The following TDRP variants were observed in gnomAD, a reference collection of about 807,000 sequenced individuals.
TDRP encodes the protein testis development related protein, also known as testis development-related protein.
In TDRP, 12 loss-of-function variants were observed where a neutral mutation model predicts 10.5. That is an observed-to-expected ratio of 1.15 (90% confidence interval 0.73 to 1.86). The LOEUF (loss-of-function observed/expected upper bound fraction) is 1.86. TDRP is among the 40% of genes most tolerant of loss of function. TDRP has a pLI of 0.00. For missense variants in TDRP, 353 were observed against 229.2 expected, an observed-to-expected ratio of 1.54 and a Z score of -3.49; for synonymous variants, 139 against 95.4, an observed-to-expected ratio of 1.46 and a Z score of -2.67.
intron 1 of TDRP, among the ~76,000 whole-genome samples, chr8:504,015 C>A (rs1801383979): frequency 6.6e-6 from 1 of 151,590 alleles, no homozygotes; most frequent in African/African-American, 2.4e-5. Context: ...ATGCCCACCT[C>A]AGCACACACC....
intron 1 of TDRP, among the ~76,000 whole-genome samples, chr8:513,847 A>C (rs936900018): frequency 2.0e-5 from 3 of 152,234 alleles, no homozygotes; most frequent in Admixed American, 1.3e-4. Flanking sequence ...GTTCTTACAC[A>C]CCAGCAAGGA....
In TDRP at chr8:543,295, G is replaced by C. The variant is rs978866145; in HGVS notation, c.108+1355C>G. On this transcript the variant is annotated intron_variant, in intron 1 of 2. Coordinates refer to ENST00000324079, the MANE Select transcript of TDRP (RefSeq NM_001384899.1). ...GCCACTGCACTCCAGCCTAGTAAACGGGGCAAGACCCTGTCTCAAAATAAA... is the reference window on the plus strand; with the variant it reads ...GCCACTGCACTCCAGCCTAGTAAACCGGGCAAGACCCTGTCTCAAAATAAA... Among the ~76,000 whole-genome samples, 10 of 152,182 alleles carry C rather than the reference G, an allele frequency of 6.6e-5. No homozygotes were observed. The East Asian group carries it at 1.5e-3, about 24-fold the overall frequency.
At chr8:512,615 T>C (rs1308629675) in intron 1 of TDRP, among the ~76,000 whole-genome samples, 2 of 148,534 alleles carry the variant, frequency 1.3e-5, no homozygotes, top group African/African-American at 2.5e-5. Context: ...AATGGACAGA[T>C]TCCCACAAAG....
At chr8:508,698 C>G (rs1801532473) in intron 1 of TDRP, among the ~76,000 whole-genome samples, 1 of 152,146 alleles carries the variant, frequency 6.6e-6, no homozygotes, top group Non-Finnish European at 1.5e-5. Flanking sequence ...CCGTATCATT[C>G]CACCCCTGGC....
At position 492,079 on chromosome 8, in the gene TDRP, A is replaced by AG; in HGVS notation, c.*319_*320insC. 2 of 1,161,578 alleles carry AG rather than the reference A, an allele frequency of 1.7e-6. No individual in the cohort carries two copies. Among genetic ancestry groups the AG allele is most frequent in the Non-Finnish European group, 2.1e-6 (2 of 943,886 alleles). The allele number at this position is 1,161,578 out of a possible 1,614,324, so 72.0% of individuals were successfully genotyped here. ...AACTACAACACAGAGCAGCATGAAA[A>AG]TCATTTTGTGAGAAACTGCAAATCA... On this transcript the variant is annotated 3_prime_UTR_variant, in exon 3 of 3. Coordinates refer to ENST00000324079, the MANE Select transcript of TDRP (RefSeq NM_001384899.1).
chr8:516,684 C>T (rs767497281), intron 1 of TDRP, among the ~76,000 whole-genome samples: 2 of 152,172 alleles, frequency 1.3e-5, no homozygotes, highest in Admixed American at 6.5e-5. Context: ...TTTCAGAAGA[C>T]AGTTTGGCAG....
At chr8:501,154 T>C (rs145962656) in intron 1 of TDRP, among the ~76,000 whole-genome samples, 2,227 of 151,220 alleles carry the variant, frequency 0.015, 54 homozygotes, top group African/African-American at 0.05. Context: ...TGCAGTGAGC[T>C]GAGATCGCGC....
intron 1 of TDRP, among the ~76,000 whole-genome samples, chr8:507,037 T>C (rs932925206): frequency 1.3e-5 from 2 of 152,016 alleles, no homozygotes; most frequent in African/African-American, 4.8e-5. Context: ...CTGGGAAGCT[T>C]TGGGAAACTT....
chr8:510,374 G>C (rs1215264631), intron 1 of TDRP, among the ~76,000 whole-genome samples: 1 of 152,040 alleles, frequency 6.6e-6, no homozygotes, highest in African/African-American at 2.4e-5. Flanking sequence ...TTCTCACTCA[G>C]GAAATCCCAA....
intron 1 of TDRP, among the ~76,000 whole-genome samples, chr8:529,078 T>A (rs2116848009): frequency 6.6e-6 from 1 of 152,272 alleles, no homozygotes; most frequent in South Asian, 2.1e-4. Flanking sequence ...CTGCTTTATA[T>A]CCTGGCTGTG....
chr8:525,773 G>C (rs1195435887), intron 1 of TDRP, among the ~76,000 whole-genome samples: 1 of 152,112 alleles, frequency 6.6e-6, no homozygotes, highest in Non-Finnish European at 1.5e-5. Flanking sequence ...AAAGACCGCA[G>C]AACAACCAGA....
At chr8:511,391 A>G (rs1337271186) in intron 1 of TDRP, among the ~76,000 whole-genome samples, 1 of 152,156 alleles carries the variant, frequency 6.6e-6, no homozygotes, top group African/African-American at 2.4e-5. Context: ...TTTCATCAAA[A>G]TAAATGCAAC....
At chr8:537,616 A>G (rs1209935337) in intron 1 of TDRP, among the ~76,000 whole-genome samples, 2 of 152,174 alleles carry the variant, frequency 1.3e-5, no homozygotes, top group Non-Finnish European at 2.9e-5. Flanking sequence ...GGTTTTTAGA[A>G]GTCTTCATTG....
chr8:541,276 G>C (rs541856246), intron 1 of TDRP, among the ~76,000 whole-genome samples: 4 of 152,146 alleles, frequency 2.6e-5, no homozygotes, highest in East Asian at 1.9e-4. Context: ...CACAAACTTT[G>C]GATAACCTTA....
chr8:498,665 T>C (rs1174039954), intron 1 of TDRP, among the ~76,000 whole-genome samples: 3 of 152,114 alleles, frequency 2.0e-5, no homozygotes, highest in African/African-American at 4.8e-5. Flanking sequence ...GGTTTTGAAA[T>C]GTAAGAAGAA....
At chr8:534,340 G>A (rs1447299509) in intron 1 of TDRP, among the ~76,000 whole-genome samples, 1 of 152,224 alleles carries the variant, frequency 6.6e-6, no homozygotes, top group Non-Finnish European at 1.5e-5. Flanking sequence ...CACAAGGCTA[G>A]GGTTCCCGCG....
At chr8:524,738 G>A (rs530969168) in intron 1 of TDRP, among the ~76,000 whole-genome samples, 1 of 152,296 alleles carries the variant, frequency 6.6e-6, no homozygotes, top group East Asian at 1.9e-4. Flanking sequence ...CTTGAAGACA[G>A]GCTATTGAAA....
Position 544,636 on chromosome 8 carries a change from G to C in TDRP, c.108+14C>G. On this transcript the variant is annotated intron_variant, in intron 1 of 2. Coordinates refer to ENST00000324079, the MANE Select transcript of TDRP (RefSeq NM_001384899.1). ...CCCGGCCTACTAGCACTCCCCACCT[G>C]CGCACCCCCTCACCTGCGCCTGGGC... The C allele has an allele frequency of 2.4e-6, 3 of 1,234,904 alleles. No homozygotes were observed. The highest frequency in any genetic ancestry group is 3.7e-5 in the South Asian group (1 of 26,898). The allele number at this position is 1,234,904 out of a possible 1,614,324, so 76.5% of individuals were successfully genotyped here.
At chr8:527,527 G>C (rs571743584) in intron 1 of TDRP, among the ~76,000 whole-genome samples, 1 of 152,166 alleles carries the variant, frequency 6.6e-6, no homozygotes, top group East Asian at 1.9e-4. Flanking sequence ...TACAGAGCTA[G>C]AGTAACCAAA....
Sources: gnomAD v4.1 joint callset for allele counts (sites outside exome capture counted in the v4.1 genomes callset) on GRCh38, gnomAD v4.1.1 for gene constraint, MANE v1.5 for transcripts, NCBI Gene and HGNC (gene_info 2026-07-23, HGNC 2026-07-21) for gene names.